CACNG4: variants seen among roughly 807,000 people sequenced by gnomAD.
CACNG4 encodes the protein calcium voltage-gated channel auxiliary subunit gamma 4.
In CACNG4, 8 loss-of-function variants were observed where a neutral mutation model predicts 22.9. The observed-to-expected ratio is 0.35, with a 90% CI of 0.21 to 0.63. The LOEUF (loss-of-function observed/expected upper bound fraction) is 0.63. Ranked by LOEUF, CACNG4 falls within the 30% of genes least tolerant of loss-of-function variation. The probability of loss-of-function intolerance (pLI) is 0.72; values close to 1 mark genes in which losing one functional copy is unlikely to be tolerated. For synonymous variants in CACNG4, 188 were observed against 191.9 expected (o/e 0.98, Z 0.17); for missense variants, 357 against 455.4 (o/e 0.78, Z 1.97).
intron 1 of CACNG4, among the ~76,000 whole-genome samples, chr17:66,965,496 G>C (rs867109338): frequency 6.6e-6 from 1 of 150,734 alleles, no homozygotes; most frequent in Non-Finnish European, 1.5e-5. Context: ...GGGCCGCGCC[G>C]GCACCCCCGG....
At position 67,031,742 on chromosome 17, in the gene CACNG4, GC is replaced by G; in HGVS notation, c.*739del. 1 of 456,752 alleles carries G rather than the reference GC, an allele frequency of 2.2e-6. No individual in the cohort carries two copies. Among genetic ancestry groups the G allele is most frequent in the Non-Finnish European group, 4.4e-6 (1 of 226,978 alleles). 28.3% of individuals were successfully genotyped at this position (456,752 alleles called of 1,614,324 possible). A position where few individuals can be genotyped will look rare whatever the true frequency, so the allele number is the denominator to read the frequency against. ...GAAGTTTCTGCCTCACTCAGAATGG[GC>G]AGGACAGACCCACTGACTGGACTTC... On this transcript the variant is annotated 3_prime_UTR_variant, in exon 4 of 4. Coordinates refer to ENST00000262138, the MANE Select transcript of CACNG4 (RefSeq NM_014405.4). This position sits in a 1 kb window ranked among gnomAD's most constrained non-coding sequence, Gnocchi z 4.0.
intron 1 of CACNG4, among the ~76,000 whole-genome samples, chr17:66,985,738 C>T (rs943644245): frequency 2.0e-5 from 3 of 152,134 alleles, no homozygotes; most frequent in Admixed American, 6.6e-5. Flanking sequence ...AAGAAATCAG[C>T]GTCCAGTGGG....
At chr17:67,019,981 G>C (rs1156990441) in intron 2 of CACNG4, 1 of 152,270 alleles carries the variant, frequency 6.6e-6, no homozygotes, top group East Asian at 1.9e-4. Context: ...TGCGGGTGAG[G>C]TTAAGGGAAA....
At chr17:66,983,871 G>A (rs1312672344) in intron 1 of CACNG4, among the ~76,000 whole-genome samples, 1 of 152,188 alleles carries the variant, frequency 6.6e-6, no homozygotes, top group Non-Finnish European at 1.5e-5. Context: ...CATACTGTGT[G>A]TTTCCATTCA....
intron 1 of CACNG4, among the ~76,000 whole-genome samples, chr17:67,013,803 C>CA (rs35707136): frequency 0.36 from 51,346 of 140,756 alleles, 11,076 homozygotes; most frequent in African/African-American, 0.63. Flanking sequence ...AGACTTGTCT[C>CA]AAAAAAAAAA....
intron 1 of CACNG4, among the ~76,000 whole-genome samples, chr17:66,996,723 TAGA>T (rs1203165004): frequency 6.6e-6 from 1 of 152,006 alleles, no homozygotes; most frequent in Non-Finnish European, 1.5e-5. Context: ...AGAGACTAAA[TAGA>T]AGGTTTGGTT....
chr17:66,990,392 A>G lies in CACNG4; in HGVS notation c.220+25261A>G, dbSNP rs1567752838. 2.6e-5 allele frequency among the ~76,000 whole-genome samples: 4 copies of G among 152,224 alleles called. No individual in the cohort carries two copies. The South Asian group carries it at 8.3e-4, about 32-fold the overall frequency. ...CCAATCTGCCACAACAGAGTCTTAT[A>G]TTACGTAATTGAATCATCATATTCA... On this transcript the variant is annotated intron_variant, in intron 1 of 3. Coordinates refer to ENST00000262138, the MANE Select transcript of CACNG4 (RefSeq NM_014405.4).
Position 67,030,553 on chromosome 17 carries a change from A to G in CACNG4, c.533A>G (p.His178Arg). ...SDKRDEDKKN[H>R]YNYGWSFYFG... ...AAGCGGGACGAAGACAAAAAGAACC[A>G]TTACAACTACGGCTGGTCTTTTTAC... The change falls in exon 4 of 4, where the codon CAT becomes CGT. Residue 178 changes from histidine (H) to arginine (R), a missense_variant. By Grantham distance (29) the His-to-Arg change is conservative (BLOSUM62 0). Transcript: ENST00000262138. This position sits in a 1 kb window ranked among gnomAD's most constrained non-coding sequence, Gnocchi z 6.4. 6.2e-7 allele frequency: 1 copy of G among 1,614,168 alleles called. No individual in the cohort carries two copies. Among genetic ancestry groups the G allele is most frequent in the Middle Eastern group, 1.6e-4 (1 of 6,062 alleles).
chr17:66,998,483 G>A (rs115667679), intron 1 of CACNG4, among the ~76,000 whole-genome samples: 4,711 of 152,220 alleles, frequency 0.031, 237 homozygotes, highest in African/African-American at 0.11. Context: ...GAATTGCACC[G>A]CACCCATCCC....
At chr17:67,021,376 C>T (rs1304459870) in intron 2 of CACNG4, among the ~76,000 whole-genome samples, 1 of 152,206 alleles carries the variant, frequency 6.6e-6, no homozygotes, top group Non-Finnish European at 1.5e-5. Flanking sequence ...TTCAGGCCAG[C>T]TCATCTGCGT....
rs12452132 is a variant in CACNG4 at position 66,992,392 on chromosome 17, C to A, written c.221-25797C>A. Among the ~76,000 whole-genome samples, 244 of 152,332 alleles carry A rather than the reference C, an allele frequency of 1.6e-3. 4 individuals are homozygous for A. The highest frequency in any genetic ancestry group is 0.012 in the Admixed American group (185 of 15,306). On this transcript the variant is annotated intron_variant, in intron 1 of 3. Coordinates refer to ENST00000262138, the MANE Select transcript of CACNG4 (RefSeq NM_014405.4). ...CCTATCCCCACCTATCATTCATTCACCATTCATTCATTCATTCAACCTAGC... is the reference window on the plus strand; with the variant it reads ...CCTATCCCCACCTATCATTCATTCAACATTCATTCATTCATTCAACCTAGC...
In CACNG4 at chr17:67,020,571, G is replaced by A. The variant is rs184449721; in HGVS notation, c.304+2299G>A. Among the ~76,000 whole-genome samples the A allele has an allele frequency of 9.3e-4, 141 of 152,338 alleles. 1 individual carries two copies. Among genetic ancestry groups the A allele is most frequent in the Middle Eastern group, 6.8e-3 (2 of 294 alleles). ...TGGGGCTGAACTGACTTCCCAACAGGGAGGTGTTTTTCCACTCGGTGGCTG... is the reference window on the plus strand; with the variant it reads ...TGGGGCTGAACTGACTTCCCAACAGAGAGGTGTTTTTCCACTCGGTGGCTG... On this transcript the variant is annotated intron_variant, in intron 2 of 3. Coordinates refer to ENST00000262138, the MANE Select transcript of CACNG4 (RefSeq NM_014405.4).
At chr17:67,025,451 T>A (rs534530308) in intron 3 of CACNG4, among the ~76,000 whole-genome samples, 8 of 151,884 alleles carry the variant, frequency 5.3e-5, no homozygotes, top group African/African-American at 1.9e-4. Context: ...CTCGAAGGAG[T>A]TGGCCAGGTA....
chr17:67,010,240 G>A (rs529286914), intron 1 of CACNG4, among the ~76,000 whole-genome samples: 6 of 152,234 alleles, frequency 3.9e-5, no homozygotes, highest in Admixed American at 3.9e-4. Context: ...TGCCATCCCC[G>A]CTGCTTCAGC....
intron 1 of CACNG4, among the ~76,000 whole-genome samples, chr17:66,990,342 A>C (rs1447939515): frequency 6.6e-6 from 1 of 152,236 alleles, no homozygotes; most frequent in African/African-American, 2.4e-5. Context: ...CCAGGCCAAC[A>C]GGAACATCTC....
chr17:66,987,554 G>A (rs1288791736), intron 1 of CACNG4, among the ~76,000 whole-genome samples: 1 of 152,168 alleles, frequency 6.6e-6, no homozygotes, highest in African/African-American at 2.4e-5. Context: ...AGCCAAACAG[G>A]AGAAGCATCA....
chr17:66,976,584 T>C (rs2035237896), intron 1 of CACNG4, among the ~76,000 whole-genome samples: 1 of 147,360 alleles, frequency 6.8e-6, no homozygotes, highest in African/African-American at 2.5e-5. Context: ...GCATCTTCCA[T>C]TCCTCCTTTC....
intron 1 of CACNG4, among the ~76,000 whole-genome samples, chr17:66,971,346 C>G (rs1026836661): frequency 1.3e-5 from 2 of 151,368 alleles, no homozygotes; most frequent in African/African-American, 4.9e-5. Flanking sequence ...TGACTTTTGA[C>G]CCTTTTGCTG....
chr17:67,009,966 C>T (rs1380080910), intron 1 of CACNG4, among the ~76,000 whole-genome samples: 3 of 152,132 alleles, frequency 2.0e-5, no homozygotes, highest in Non-Finnish European at 1.5e-5. Flanking sequence ...GCCCACCATG[C>T]AAGACCCCAC....
Sources: gnomAD v4.1 joint callset for allele counts (sites outside exome capture counted in the v4.1 genomes callset) on GRCh38, gnomAD v4.1.1 for gene constraint, Gnocchi (gnomAD v3.1) non-coding constraint, MANE v1.5 for transcripts, NCBI Gene and HGNC (gene_info 2026-07-23, HGNC 2026-07-21) for gene names.